Variants in KLHL20 observed in about 807,000 individuals in gnomAD.
KLHL20 encodes kelch like family member 20.
In KLHL20, 29 loss-of-function variants were observed where a neutral mutation model predicts 69.5. That is an observed-to-expected ratio of 0.42 (90% CI 0.31 to 0.57). The LOEUF is 0.57. KLHL20 is among the 20% of genes least tolerant of loss of function. The pLI is 0.18. For missense variants in KLHL20, 419 were observed against 776.0 expected, an observed-to-expected ratio of 0.54 and a Z score of 5.47; for synonymous variants, 253 against 265.2, an observed-to-expected ratio of 0.95 and a Z score of 0.45.
chr1:173,771,411 T>G (rs1215099616), intron 8 of KLHL20, among the ~76,000 whole-genome samples: 1 of 151,972 alleles, frequency 6.6e-6, no homozygotes, highest in Admixed American at 6.6e-5. Flanking sequence ...CTCTTAAAAA[T>G]AAATACATAG....
In KLHL20 at chr1:173,772,719, A is replaced by G. The variant is rs185265428; in HGVS notation, c.1296-1586A>G. ...AGTAAATTAGTGTATCTAGACATTG[A>G]TAAACAGCTGCTAACATACCACCTT... On this transcript the variant is annotated intron_variant, in intron 8 of 11. Coordinates refer to ENST00000209884, the MANE Select transcript of KLHL20 (RefSeq NM_014458.4). Among the ~76,000 whole-genome samples the G allele has an allele frequency of 4.6e-5, 7 of 152,336 alleles. No homozygotes were observed. The East Asian group carries it at 9.6e-4, about 21-fold the overall frequency.
At chr1:173,717,196 T>C (rs1671506830) in intron 2 of KLHL20, among the ~76,000 whole-genome samples, 1 of 152,208 alleles carries the variant, frequency 6.6e-6, no homozygotes, top group African/African-American at 2.4e-5. Context: ...CCAGCTACCA[T>C]AAAATGTCAT....
intron 2 of KLHL20, among the ~76,000 whole-genome samples, chr1:173,728,664 G>T (rs966088725): frequency 6.6e-5 from 10 of 152,164 alleles, no homozygotes; most frequent in African/African-American, 2.4e-4. Flanking sequence ...ACGAAATGTA[G>T]GCAGAAATAA....
intron 2 of KLHL20, among the ~76,000 whole-genome samples, chr1:173,724,310 C>T (rs752661164): frequency 5.9e-5 from 9 of 151,920 alleles, no homozygotes; most frequent in Non-Finnish European, 1.0e-4. Flanking sequence ...CAGCCTCCTC[C>T]GAAAATTCTT....
At chr1:173,758,580 C>T (rs532816210) in intron 7 of KLHL20, among the ~76,000 whole-genome samples, 1 of 152,318 alleles carries the variant, frequency 6.6e-6, no homozygotes, top group African/African-American at 2.4e-5. Context: ...GAAAGGGAGA[C>T]CCTCCTCTCC....
intron 8 of KLHL20, among the ~76,000 whole-genome samples, chr1:173,770,291 G>A (rs957836199): frequency 1.3e-5 from 2 of 152,090 alleles, no homozygotes; most frequent in Non-Finnish European, 2.9e-5. Flanking sequence ...ACTCAGAAAT[G>A]TATTAGAAAT....
intron 5 of KLHL20, among the ~76,000 whole-genome samples, chr1:173,754,325 G>T (rs1449383702): frequency 6.6e-6 from 1 of 151,988 alleles, no homozygotes; most frequent in Non-Finnish European, 1.5e-5. Flanking sequence ...AGTGGCTCAC[G>T]CCTGTAATCC....
intron 3 of KLHL20, chr1:173,734,533 TAA>T (rs369203145): frequency 8.5e-6 from 4 of 468,086 alleles, no homozygotes; most frequent in South Asian, 2.5e-5. Context: ...AAAAAATTTT[TAA>T]AAAGGTTTAT....
At chr1:173,744,960 CT>C (rs1336138910) in intron 3 of KLHL20, among the ~76,000 whole-genome samples, 1 of 151,990 alleles carries the variant, frequency 6.6e-6, no homozygotes, top group Non-Finnish European at 1.5e-5. Context: ...TCCAGATGAA[CT>C]TTAATGTCAC....
At chr1:173,716,698 A>G (rs1184950613) in intron 2 of KLHL20, among the ~76,000 whole-genome samples, 3 of 152,138 alleles carry the variant, frequency 2.0e-5, no homozygotes, top group Non-Finnish European at 2.9e-5. Flanking sequence ...ATGATACAAA[A>G]TCATCCCAGT....
intron 8 of KLHL20, among the ~76,000 whole-genome samples, chr1:173,767,956 G>A (rs1484675296): frequency 6.6e-6 from 1 of 151,912 alleles, no homozygotes; most frequent in African/African-American, 2.4e-5. Flanking sequence ...TTTTTCAACT[G>A]TCACACTGAT....
chr1:173,719,748 G>A (rs1671631833), intron 2 of KLHL20, among the ~76,000 whole-genome samples: 1 of 149,560 alleles, frequency 6.7e-6, no homozygotes, highest in African/African-American at 2.6e-5. Flanking sequence ...CCAACAATAT[G>A]TTTGTTTCCC....
At chr1:173,785,078 A>T in intron 11 of KLHL20, 85 bp from the exon 12 acceptor site, 1 of 1,013,026 alleles carries the variant, frequency 9.9e-7, no homozygotes, top group Non-Finnish European at 1.5e-6. Context: ...GAAACGTGTT[A>T]ATAACATCTT....
intron 8 of KLHL20, among the ~76,000 whole-genome samples, chr1:173,770,054 A>T (rs896355265): frequency 6.6e-6 from 1 of 152,166 alleles, no homozygotes; most frequent in Non-Finnish European, 1.5e-5. Context: ...TTCATGTAAA[A>T]ATGAAATAGC....
At chr1:173,731,221 G>A (rs1291934435) in intron 2 of KLHL20, among the ~76,000 whole-genome samples, 1 of 152,158 alleles carries the variant, frequency 6.6e-6, no homozygotes, top group Non-Finnish European at 1.5e-5. Flanking sequence ...GAAACAACAG[G>A]TGCTGGAGAG....
At chr1:173,778,866 G>T (rs1311621496) in intron 10 of KLHL20, among the ~76,000 whole-genome samples, 1 of 151,528 alleles carries the variant, frequency 6.6e-6, no homozygotes. Context: ...TTCTTAATCT[G>T]CCTAAAGGTT....
intron 2 of KLHL20, among the ~76,000 whole-genome samples, chr1:173,729,011 C>T (rs1672118633): frequency 6.6e-6 from 1 of 152,102 alleles, no homozygotes; most frequent in African/African-American, 2.4e-5. Context: ...AGAGAAGAAT[C>T]AAATAGACGC....
chr1:173,783,943 C>A (rs1402637251), intron 11 of KLHL20, among the ~76,000 whole-genome samples: 1 of 151,234 alleles, frequency 6.6e-6, no homozygotes, highest in African/African-American at 2.4e-5. Context: ...AAATTCCTGC[C>A]AAGCGCACGC....
chr1:173,761,007 T>A (rs1217812673), intron 7 of KLHL20, among the ~76,000 whole-genome samples: 1 of 152,058 alleles, frequency 6.6e-6, no homozygotes, highest in Non-Finnish European at 1.5e-5. Context: ...ACCTAACACA[T>A]AAGGACTCAC....
Sources: allele counts gnomAD v4.1 joint callset (sites outside exome capture counted in the v4.1 genomes callset), GRCh38; gene constraint gnomAD v4.1.1; transcripts MANE v1.5; gene names NCBI Gene and HGNC (gene_info 2026-07-23, HGNC 2026-07-21).